DOCK1: variants seen among roughly 807,000 people sequenced by gnomAD.
DOCK1 encodes dedicator of cytokinesis 1, also known as dedicator of cytokinesis protein 1.
DOCK1 carries 138 observed loss-of-function variants against 262.7 expected under a neutral mutation model. The observed-to-expected ratio is 0.53, with a 90% CI of 0.46 to 0.61. The LOEUF is 0.61. DOCK1 is among the 20% of genes least tolerant of loss of function. DOCK1 has a pLI of 0.00. For missense variants in DOCK1, 1,908 were observed against 2,370.7 expected (o/e 0.80, Z 4.05); for synonymous variants, 866 against 867.4 (o/e 1.00, Z 0.03).
chr10:126,924,184 A>G lies in DOCK1; in HGVS notation c.46+18621A>G, dbSNP rs115053231. 4.3e-3 allele frequency among the ~76,000 whole-genome samples: 566 copies of G among 130,752 alleles called. 7 individuals carry two copies. The highest frequency in any genetic ancestry group is 0.015 in the African/African-American group (548 of 37,028). The allele number at this position is 130,752 out of a possible 152,430, so 85.8% of individuals were successfully genotyped here. A position where few individuals can be genotyped will look rare whatever the true frequency, so the allele number is the denominator to read the frequency against. On this transcript the variant is annotated intron_variant, in intron 1 of 51. Transcript: ENST00000623213. Reference sequence around the variant, plus strand: ...CGGGGGGACTTGAGTGCTGGAACTGAGCAGGGGGAACTGAATGCTGGAACT... The same window carrying G: ...CGGGGGGACTTGAGTGCTGGAACTGGGCAGGGGGAACTGAATGCTGGAACT...
At chr10:127,034,292 CAGAGAG>C (rs142654902) in intron 18 of DOCK1, among the ~76,000 whole-genome samples, 1 of 151,914 alleles carries the variant, frequency 6.6e-6, no homozygotes, top group East Asian at 1.9e-4. Flanking sequence ...TGGCCGCAGG[CAGAGAG>C]AGAGAGAAAG....
At chr10:127,193,042 A>G (rs1391497663) in intron 27 of DOCK1, among the ~76,000 whole-genome samples, 1 of 152,226 alleles carries the variant, frequency 6.6e-6, no homozygotes, top group Non-Finnish European at 1.5e-5. Context: ...TGTAGTATCA[A>G]TCATATTAAA....
intron 26 of DOCK1, among the ~76,000 whole-genome samples, chr10:127,126,922 T>C (rs1436415692): frequency 6.6e-6 from 1 of 152,224 alleles, no homozygotes; most frequent in African/African-American, 2.4e-5. Context: ...GGATTAAATC[T>C]GTTCTTGGTG....
chr10:127,052,943 C>T (rs1189513004), intron 22 of DOCK1, 128 bp downstream of exon 22: 3 of 1,420,576 alleles, frequency 2.1e-6, no homozygotes, highest in African/African-American at 1.4e-5. Context: ...CCCTTGCTTT[C>T]TAGGCTGAGA....
At chr10:127,347,238 CTG>C (rs150472160) in intron 31 of DOCK1, among the ~76,000 whole-genome samples, 2 of 152,386 alleles carry the variant, frequency 1.3e-5, no homozygotes, top group East Asian at 1.9e-4. Flanking sequence ...AGTGCCCACT[CTG>C]TGCTCAGTCG....
rs543459388 is a variant in DOCK1 at position 127,201,139 on chromosome 10, A to G, written c.2848-46869A>G. ...GCCTTGTCTTTCAAGAACAAGACAGACACAATCCTCAAGGTGCCCCAGTGG... is the reference window on the plus strand; with the variant it reads ...GCCTTGTCTTTCAAGAACAAGACAGGCACAATCCTCAAGGTGCCCCAGTGG... On this transcript the variant is annotated intron_variant, in intron 27 of 51. Coordinates refer to ENST00000623213, the MANE Select transcript of DOCK1 (RefSeq NM_001290223.2). Among the ~76,000 whole-genome samples, 10 of 152,348 alleles carry G rather than the reference A, an allele frequency of 6.6e-5. No homozygotes were observed. The South Asian group carries it at 1.5e-3, about 22-fold the overall frequency.
chr10:127,389,875 G>C (rs897577121), intron 38 of DOCK1, among the ~76,000 whole-genome samples: 1 of 152,082 alleles, frequency 6.6e-6, no homozygotes, highest in Non-Finnish European at 1.5e-5. Flanking sequence ...TTAGCCCATC[G>C]TGGTGGCAGG....
intron 29 of DOCK1, among the ~76,000 whole-genome samples, chr10:127,331,942 G>C (rs766320284): frequency 3.9e-5 from 6 of 152,214 alleles, no homozygotes; most frequent in Admixed American, 6.5e-5. Context: ...TGGAACTTAG[G>C]GGGTGCTCAC....
chr10:127,095,121 G>A (rs1045599800), intron 23 of DOCK1, among the ~76,000 whole-genome samples: 1 of 152,238 alleles, frequency 6.6e-6, no homozygotes, highest in Non-Finnish European at 1.5e-5. Flanking sequence ...CAAGTGGATT[G>A]TGGGAGGTTA....
At chr10:127,269,364 G>C (rs938372905) in intron 29 of DOCK1, among the ~76,000 whole-genome samples, 3 of 152,088 alleles carry the variant, frequency 2.0e-5, no homozygotes, top group African/African-American at 7.2e-5. Context: ...CATTGCCCTG[G>C]AGATTCAGAG....
chr10:127,362,909 C>CCACACACA (rs1218062230), intron 33 of DOCK1, among the ~76,000 whole-genome samples: 1 of 90,576 alleles, frequency 1.1e-5, no homozygotes, highest in Non-Finnish European at 2.0e-5. Flanking sequence ...ATGTACATCT[C>CCACACACA]CACACACACA....
chr10:127,088,004 A>G (rs908926096), intron 23 of DOCK1, among the ~76,000 whole-genome samples: 1 of 152,208 alleles, frequency 6.6e-6, no homozygotes, highest in Admixed American at 6.5e-5. Context: ...TTCGTATTTA[A>G]TTGCTAAGTT....
Position 126,999,411 on chromosome 10 carries a change from A to C in DOCK1, c.825A>C (p.Leu275Phe). 6.2e-7 allele frequency: 1 copy of C among 1,613,502 alleles called. No individual in the cohort carries two copies. The highest frequency in any genetic ancestry group is 8.5e-7 in the Non-Finnish European group (1 of 1,179,708). Reference protein sequence around the residue: ...SSGLPKDIDRLHNLRAVFTDL... With the variant: ...SSGLPKDIDRFHNLRAVFTDL... ...GATTACCTAAAGACATAGACAGATT[A>C]CATAATTTGCGAGCCGTGTTTACTG... The change falls in exon 9 of 52, where the codon TTA becomes TTC. Residue 275 changes from leucine (L) to phenylalanine (F), a missense_variant. Physicochemically the swap from Leu to Phe is conservative, Grantham distance 22. This residue lies in a region of DOCK1 where 102 missense variants were observed against 154.9 expected (regional missense o/e 0.66). Transcript: ENST00000623213.
At chr10:127,131,132 C>A (rs902460447) in intron 27 of DOCK1, among the ~76,000 whole-genome samples, 1 of 152,146 alleles carries the variant, frequency 6.6e-6, no homozygotes, top group Admixed American at 6.5e-5. Context: ...CTTGCATGTT[C>A]TAAGAAGGGG....
chr10:127,085,851 T>A (rs868475730), intron 23 of DOCK1, among the ~76,000 whole-genome samples: 1 of 152,174 alleles, frequency 6.6e-6, no homozygotes, highest in Admixed American at 6.5e-5. Context: ...GAAGCCATTA[T>A]TATTATTTTT....
chr10:126,944,418 A>G, intron 1 of DOCK1, among the ~76,000 whole-genome samples: 1 of 152,126 alleles, frequency 6.6e-6, no homozygotes, highest in East Asian at 2.0e-4. Flanking sequence ...GGACCTGCCG[A>G]GGCAGCTGTT....
rs115416370 is a variant in DOCK1, at chr10:127,397,861, T to A, written c.3928-5194T>A. On this transcript the variant is annotated intron_variant, in intron 38 of 51. Coordinates refer to ENST00000623213, the MANE Select transcript of DOCK1 (RefSeq NM_001290223.2). ...CTGTGTGACCTGTGCATGTCCTGGG[T>A]AGTGGGTGCTGCATGTCCTGGGCAG... Among the ~76,000 whole-genome samples the A allele has an allele frequency of 2.2e-3, 336 of 151,904 alleles. 1 individual carries two copies. The highest frequency in any genetic ancestry group is 7.9e-3 in the African/African-American group (328 of 41,406).
At chr10:127,147,923 C>T (rs56013209) in intron 27 of DOCK1, among the ~76,000 whole-genome samples, 2,236 of 148,046 alleles carry the variant, frequency 0.015, 63 homozygotes, top group African/African-American at 0.052. Flanking sequence ...CCCAGCTACT[C>T]GGGAGGCTGA....
In DOCK1 at chr10:127,068,470, C is replaced by T. The variant is rs916220335; in HGVS notation, c.2445+6694C>T. Among the ~76,000 whole-genome samples, 6 of 20,934 alleles carry T rather than the reference C, an allele frequency of 2.9e-4. No homozygotes were observed. The South Asian group carries it at 7.6e-3, about 27-fold the overall frequency. The allele number at this position is 20,934 out of a possible 152,430, so 13.7% of individuals were successfully genotyped here. On this transcript the variant is annotated intron_variant, in intron 23 of 51. Coordinates refer to ENST00000623213, the MANE Select transcript of DOCK1 (RefSeq NM_001290223.2). ...ACAGCAGCTCCTGCCTTCGCCCCTT[C>T]GTCTTTATATGTGTTCCAGATTTTC...
Sources: allele counts gnomAD v4.1 joint callset (sites outside exome capture counted in the v4.1 genomes callset), GRCh38; gene constraint gnomAD v4.1.1; regional missense constraint gnomAD v4.1.1; transcripts MANE v1.5; gene names NCBI Gene and HGNC (gene_info 2026-07-23, HGNC 2026-07-21).